The following FAM83F variants were observed in gnomAD, a reference collection of about 807,000 sequenced individuals.
FAM83F encodes scaffolding CK1 anchoring protein F.
A neutral mutation model predicts 42.9 loss-of-function variants in FAM83F; 45 were observed. The ratio of observed to expected loss-of-function variants is 1.05; its 90% CI spans 0.83 to 1.35. FAM83F has a LOEUF of 1.35. Ranked by LOEUF, FAM83F falls within the 40% of genes most tolerant of loss-of-function variation. The pLI is 0.00. For synonymous variants in FAM83F, 306 were observed against 298.3 expected (o/e 1.03, Z -0.27); for missense variants, 617 against 695.9 (o/e 0.89, Z 1.28).
Position 40,021,208 on chromosome 22 carries a change from C to A in FAM83F, c.780-82C>A. 6.9e-7 allele frequency: 1 copy of A among 1,443,536 alleles called. No individual in the cohort carries two copies. Among genetic ancestry groups the A allele is most frequent in the South Asian group, 1.5e-5 (1 of 68,594 alleles). The allele number at this position is 1,443,536 out of a possible 1,614,324, so 89.4% of individuals were successfully genotyped here. ...ACCTGCAGCAAGGGTCTGGCCACAG[C>A]GGAGGGGCAGGTGGGGGCGGGGGCA... On this transcript the variant is annotated intron_variant, in intron 3 of 4. Coordinates refer to ENST00000333407, the MANE Select transcript of FAM83F (RefSeq NM_138435.4). This position sits in a 1 kb window ranked among gnomAD's most constrained non-coding sequence, Gnocchi z 8.7.
chr22:40,020,510 C>T (rs540796667), intron 3 of FAM83F, among the ~76,000 whole-genome samples: 1 of 151,798 alleles, frequency 6.6e-6, no homozygotes, highest in African/African-American at 2.4e-5. Context: ...TTACAGGTGC[C>T]TACCACCATG....
Position 40,037,095 on chromosome 22 carries a change from G to C in FAM83F, c.*7530G>C, listed in dbSNP as rs530172314. 3.9e-5 allele frequency: 6 copies of C among 152,344 alleles called. No individual in the cohort carries two copies. Among genetic ancestry groups the C allele is most frequent in the Admixed American group, 3.3e-4 (5 of 15,298 alleles). 9.4% of individuals were successfully genotyped at this position (152,344 alleles called of 1,614,324 possible). ...TCTTTTAATATGCAAAAACCGGCCA[G>C]GTGCGGTGGCTCATGCCTGTGACCT... On this transcript the variant is annotated 3_prime_UTR_variant, in exon 5 of 5. Transcript: ENST00000333407.
chr22:40,021,356 G>A lies in FAM83F; in HGVS notation c.846G>A (p.Glu282=). ...TGCTCCTGACAGGACAGAACGTAGAGCCCTTTGACACGGAGTTCCGGGAGC... is the reference window on the plus strand; with the variant it reads ...TGCTCCTGACAGGACAGAACGTAGAACCCTTTGACACGGAGTTCCGGGAGC... The part of the protein sequence containing the change: ...LLLLLTGQNV[E]PFDTEFRELY... Residue 282 remains glutamate, a synonymous_variant, in exon 4 of 5, where the codon GAG becomes GAA. Coordinates refer to ENST00000333407, the MANE Select transcript of FAM83F (RefSeq NM_138435.4). The surrounding 1 kb of genome is among the most constrained non-coding windows in gnomAD (Gnocchi z 8.7). The A allele has an allele frequency of 6.2e-7, 1 of 1,609,118 alleles. No individual in the cohort carries two copies. Among genetic ancestry groups the A allele is most frequent in the African/African-American group, 1.3e-5 (1 of 74,956 alleles).
chr22:40,019,137 G>T (rs199581747), intron 1 of FAM83F, 31 bp from the exon 2 acceptor site: 3 of 1,610,928 alleles, frequency 1.9e-6, no homozygotes, highest in Non-Finnish European at 2.5e-6. Context: ...TGTAGACACC[G>T]TGTGCCTCAC....
At chr22:40,022,268 G>A (rs2067527783) in intron 4 of FAM83F, among the ~76,000 whole-genome samples, 1 of 152,224 alleles carries the variant, frequency 6.6e-6, no homozygotes, top group South Asian at 2.1e-4. Flanking sequence ...CTGCTAGAAG[G>A]CATTCAGATC....
chr22:40,012,746 G>A (rs2145715533), intron 1 of FAM83F, among the ~76,000 whole-genome samples: 1 of 150,804 alleles, frequency 6.6e-6, no homozygotes, highest in South Asian at 2.1e-4. Context: ...CTCCAGCCTG[G>A]GTGAAAAAGG....
rs1175358211 is a variant in FAM83F, at chr22:40,032,361, C to T, written c.*2796C>T. On this transcript the variant is annotated 3_prime_UTR_variant, in exon 5 of 5. Transcript: ENST00000333407. ...ACTTCTGGATGGATCTGGGAGCCTGCCCCTTGGGATTTGGCAAAACTTCCC... is the reference window on the plus strand; with the variant it reads ...ACTTCTGGATGGATCTGGGAGCCTGTCCCTTGGGATTTGGCAAAACTTCCC... The T allele has an allele frequency of 6.6e-6, 1 of 152,242 alleles. No homozygotes were observed. Among genetic ancestry groups the T allele is most frequent in the Non-Finnish European group, 1.5e-5 (1 of 68,064 alleles). 9.4% of individuals were successfully genotyped at this position (152,242 alleles called of 1,614,324 possible). A position where few individuals can be genotyped will look rare whatever the true frequency, so the allele number is the denominator to read the frequency against.
Position 39,994,996 on chromosome 22 carries a change from G to T in FAM83F, c.-47G>T. 1 of 1,233,176 alleles carries T rather than the reference G, an allele frequency of 8.1e-7. No individual in the cohort carries two copies. Among genetic ancestry groups the T allele is most frequent in the Non-Finnish European group, 1.0e-6 (1 of 989,518 alleles). 76.4% of individuals were successfully genotyped at this position (1,233,176 alleles called of 1,614,324 possible). On this transcript the variant is annotated 5_prime_UTR_variant, in exon 1 of 5. Transcript: ENST00000333407. ...CTCCAGGTGCGGCTGTGGGACCTCG[G>T]ACCGCGGCGGGGCCGGGGCCAGGGC...
chr22:40,003,446 T>C lies in FAM83F; in HGVS notation c.489+7915T>C, dbSNP rs145611540. Among the ~76,000 whole-genome samples the C allele has an allele frequency of 1.8e-4, 27 of 152,172 alleles. No homozygotes were observed. In the East Asian group the frequency reaches 3.1e-3, roughly 17 times the overall value. On this transcript the variant is annotated intron_variant, in intron 1 of 4. Coordinates refer to ENST00000333407, the MANE Select transcript of FAM83F (RefSeq NM_138435.4). ...TTAGAGCGTGCAAAGCAGAGCCTAT[T>C]TGGGGACAAGCTTCCAATCCAAGCT...
At position 40,038,168 on chromosome 22, in the gene FAM83F, G is replaced by T. The variant is rs12169622; in HGVS notation, c.*8603G>T. 0.021 allele frequency: 3,133 copies of T among 152,400 alleles called. 35 individuals carry two copies. Among genetic ancestry groups the T allele is most frequent in the Middle Eastern group, 0.044 (13 of 294 alleles). The allele number at this position is 152,400 out of a possible 1,614,324, so 9.4% of individuals were successfully genotyped here. A position where few individuals can be genotyped will look rare whatever the true frequency, so the allele number is the denominator to read the frequency against. The stretch of plus-strand genomic sequence containing the variant: ...TGGTTAGGAAGATGGATACTGGGAG[G>T]CAAGTGTTCTGATGGGAAAGCACAG... On this transcript the variant is annotated 3_prime_UTR_variant, in exon 5 of 5. Coordinates refer to ENST00000333407, the MANE Select transcript of FAM83F (RefSeq NM_138435.4).
chr22:40,038,741 G>C lies in FAM83F; in HGVS notation c.*9176G>C. 6.2e-6 allele frequency: 1 copy of C among 162,320 alleles called. No individual in the cohort carries two copies. The highest frequency in any genetic ancestry group is 1.4e-5 in the Non-Finnish European group (1 of 73,094). 10.1% of individuals were successfully genotyped at this position (162,320 alleles called of 1,614,324 possible). On this transcript the variant is annotated 3_prime_UTR_variant, in exon 5 of 5. Coordinates refer to ENST00000333407, the MANE Select transcript of FAM83F (RefSeq NM_138435.4). ...GGCAGAGGAAGAGGGGGCATCATAG[G>C]CAGCAGAAACCACATGGACAAACTC...
chr22:40,019,283 A>T lies in FAM83F; in HGVS notation c.605A>T (p.Lys202Met). ...VYIILDEAGVKYFLEMCQDLQ... is the reference protein window; with the variant it reads ...VYIILDEAGVMYFLEMCQDLQ... ...ATCATCCTGGACGAGGCAGGAGTGA[A>T]GTATTTCCTGGAGATGTGTCAGGAC... The change falls in exon 2 of 5, where the codon AAG becomes ATG. Residue 202 changes from lysine to methionine, a missense_variant. Physicochemically the swap from Lys to Met is moderately conservative, Grantham distance 95 (BLOSUM62 -1). Transcript: ENST00000333407. The T allele has an allele frequency of 6.2e-7, 1 of 1,614,146 alleles. No homozygotes were observed. Among genetic ancestry groups the T allele is most frequent in the Non-Finnish European group, 8.5e-7 (1 of 1,180,024 alleles).
At chr22:40,019,371 G>C in intron 2 of FAM83F, 36 bp downstream of exon 2, 1 of 1,600,988 alleles carries the variant, frequency 6.2e-7, no homozygotes, top group South Asian at 1.1e-5. Context: ...GTGGACAGGA[G>C]ATGAGACAGA....
intron 1 of FAM83F, 27 bp from the exon 2 acceptor site, chr22:40,019,141 G>GCCTCACCAGC (rs1243403263): frequency 1.2e-6 from 2 of 1,611,812 alleles, no homozygotes; most frequent in Non-Finnish European, 1.7e-6. Context: ...GACACCGTGT[G>GCCTCACCAGC]CCTCACCAGT....
chr22:40,029,675 C>A lies in FAM83F; in HGVS notation c.*110C>A. ...AGTTTGCACATCAGACGCCAACTGG[C>A]CTTCTGCCCTGCAGCCTCCGTCCTG... On this transcript the variant is annotated 3_prime_UTR_variant, in exon 5 of 5. Transcript: ENST00000333407. The A allele has an allele frequency of 6.8e-7, 1 of 1,463,518 alleles. No individual in the cohort carries two copies. Among genetic ancestry groups the A allele is most frequent in the Non-Finnish European group, 9.2e-7 (1 of 1,087,352 alleles). The allele number at this position is 1,463,518 out of a possible 1,614,324, so 90.7% of individuals were successfully genotyped here. A position where few individuals can be genotyped will look rare whatever the true frequency, so the allele number is the denominator to read the frequency against.
rs922340523 is a variant in FAM83F, at chr22:40,023,117, G to C, written c.1453+1154G>C. Reference sequence around the variant, plus strand: ...CCTGGAGACGTTGACTGAGCTGCTGGCTTGCCAGGTCCTGCACAGGCACTC... The same window carrying C: ...CCTGGAGACGTTGACTGAGCTGCTGCCTTGCCAGGTCCTGCACAGGCACTC... On this transcript the variant is annotated intron_variant, in intron 4 of 4. Transcript: ENST00000333407. This position sits in a 1 kb window ranked among gnomAD's most constrained non-coding sequence, Gnocchi z 4.1. Among the ~76,000 whole-genome samples, 1 of 152,200 alleles carries C rather than the reference G, an allele frequency of 6.6e-6. No homozygotes were observed. Among genetic ancestry groups the C allele is most frequent in the Non-Finnish European group, 1.5e-5 (1 of 68,038 alleles).
rs1273993171 is a variant in FAM83F, at chr22:39,995,528, GAAGGTAGGCCCCC to G, written c.487_489+10del. The G allele has an allele frequency of 2.6e-6, 4 of 1,561,022 alleles. No individual in the cohort carries two copies. Among genetic ancestry groups the G allele is most frequent in the Non-Finnish European group, 3.5e-6 (4 of 1,151,104 alleles). On this transcript the variant is annotated splice_donor_variant and splice_donor_5th_base_variant and coding_sequence_variant and intron_variant, in exon 1 of 5. Transcript: ENST00000333407. LOFTEE classifies it high-confidence loss of function. This position sits in a 1 kb window ranked among gnomAD's most constrained non-coding sequence, Gnocchi z 4.6. The stretch of plus-strand genomic sequence containing the variant: ...TCAGGCAGATGATCCAACAGGCCCA[GAAGGTAGGCCCCC>G]GCCTTCGCCCCCACACCGCTGGGAC...
At position 40,021,883 on chromosome 22, in the gene FAM83F, GCT is replaced by G; in HGVS notation, c.1376_1377del (p.Ser459CysfsTer7). 6.2e-7 allele frequency: 1 copy of G among 1,606,782 alleles called. No homozygotes were observed. The highest frequency in any genetic ancestry group is 2.2e-5 in the East Asian group (1 of 44,726). On this transcript the variant is annotated frameshift_variant, in exon 4 of 5. Transcript: ENST00000333407. LOFTEE classifies it high-confidence loss of function. The surrounding 1 kb of genome is among the most constrained non-coding windows in gnomAD (Gnocchi z 8.7). Reference sequence around the variant, plus strand: ...CCTGCGGCGCCCAATGGCATGGCCAGCTCTGTCTCCACCGAGACCTCTGAAGT... The same window carrying G: ...CCTGCGGCGCCCAATGGCATGGCCAGCTGTCTCCACCGAGACCTCTGAAGT...
intron 1 of FAM83F, among the ~76,000 whole-genome samples, chr22:40,004,572 G>A (rs2067418732): frequency 6.6e-6 from 1 of 152,032 alleles, no homozygotes; most frequent in South Asian, 2.1e-4. Context: ...CAAAGTGCTG[G>A]GATTACAGGT....
Sources: gnomAD v4.1 joint callset for allele counts (sites outside exome capture counted in the v4.1 genomes callset) on GRCh38, gnomAD v4.1.1 for gene constraint, Gnocchi (gnomAD v3.1) non-coding constraint, MANE v1.5 for transcripts, NCBI Gene and HGNC (gene_info 2026-07-23, HGNC 2026-07-21) for gene names.